Variants in PCDHA13 observed in about 807,000 individuals in gnomAD.
PCDHA13 encodes the protein protocadherin alpha-13.
Under a neutral mutation model 64.8 loss-of-function variants are expected in PCDHA13, and 54 were observed. The ratio of observed to expected loss-of-function variants is 0.83; its 90% CI spans 0.67 to 1.04. The LOEUF (loss-of-function observed/expected upper bound fraction) is 1.04, where lower values mean the gene tolerates loss of function less well. PCDHA13 is among the 50% of genes least tolerant of loss of function. PCDHA13 has a pLI of 0.00. For synonymous variants in PCDHA13, 587 were observed against 564.4 expected, an observed-to-expected ratio of 1.04 and a Z score of -0.57; for missense variants, 1,248 against 1,254.3, an observed-to-expected ratio of 0.99 and a Z score of 0.08.
rs376556447 is a variant in PCDHA13 at position 140,885,103 on chromosome 5, CT to C, written c.2394+448del. On this transcript the variant is annotated intron_variant, in intron 1 of 3. Transcript: ENST00000289272. The stretch of plus-strand genomic sequence containing the variant: ...AGCCCCATAACTTTTCACATAAATG[CT>C]TTTTTTAAGTGCACTTTTCTTTCTT... Among the ~76,000 whole-genome samples the C allele has an allele frequency of 4.5e-3, 686 of 152,136 alleles. 2 individuals are homozygous for C. Among genetic ancestry groups the C allele is most frequent in the African/African-American group, 0.016 (664 of 41,518 alleles).
rs1562789727 is a variant in PCDHA13, at chr5:140,883,500, G to C, written c.1232G>C (p.Ser411Thr). The C allele has an allele frequency of 6.2e-7, 1 of 1,614,100 alleles. No individual in the cohort carries two copies. Among genetic ancestry groups the C allele is most frequent in the African/African-American group, 1.3e-5 (1 of 74,946 alleles). Residue 411 changes from serine (S) to threonine (T), a missense_variant, in exon 1 of 4, where the codon AGC (serine) becomes ACC (threonine). By Grantham distance (58) the Ser-to-Thr change is moderately conservative. Transcript: ENST00000289272. ...YKNYYSLVLD[S>T]ALDRESVSAY... ...AACTACTACTCATTAGTGCTGGACA[G>C]CGCCCTGGACCGCGAGAGCGTATCA... is the stretch of plus-strand genomic sequence containing the variant.
chr5:141,003,452 C>G (rs1554259072), intron 3 of PCDHA13, among the ~76,000 whole-genome samples: 1 of 152,112 alleles, frequency 6.6e-6, no homozygotes, highest in Non-Finnish European at 1.5e-5. Flanking sequence ...GATGAAATTA[C>G]AGGCGTGCAC....
At chr5:140,915,105 C>T (rs1554196760) in intron 1 of PCDHA13, among the ~76,000 whole-genome samples, 1 of 152,020 alleles carries the variant, frequency 6.6e-6, no homozygotes, top group East Asian at 1.9e-4. Flanking sequence ...ACCACCACAA[C>T]ACCCACCTAA....
chr5:140,966,862 G>C lies in PCDHA13; in HGVS notation c.2395-12087G>C, dbSNP rs782810195. On this transcript the variant is annotated intron_variant, in intron 1 of 3. Transcript: ENST00000289272. ...TGCTACTGCCTCTCCTGCTGCTGTTGCTGCTGCTGCTACCTGGCCCTGCGG... is the reference window on the plus strand; with the variant it reads ...TGCTACTGCCTCTCCTGCTGCTGTTCCTGCTGCTGCTACCTGGCCCTGCGG... The C allele has an allele frequency of 1.2e-5, 18 of 1,562,198 alleles. No individual in the cohort carries two copies. Among genetic ancestry groups the C allele is most frequent in the Non-Finnish European group, 1.5e-5 (18 of 1,164,444 alleles).
chr5:140,928,354 A>C (rs374655565), intron 1 of PCDHA13: 10 of 1,614,032 alleles, frequency 6.2e-6, no homozygotes, highest in African/African-American at 1.3e-5. Flanking sequence ...GTTGGATGTT[A>C]TCTCTGAAGG....
At chr5:140,959,428 A>AT (rs2095488424) in intron 1 of PCDHA13, among the ~76,000 whole-genome samples, 1 of 152,102 alleles carries the variant, frequency 6.6e-6, no homozygotes, top group Non-Finnish European at 1.5e-5. Context: ...GAATTTGTGT[A>AT]TTTTTTTCTA....
chr5:140,982,153 C>T (rs990862287), intron 2 of PCDHA13, among the ~76,000 whole-genome samples: 1 of 152,162 alleles, frequency 6.6e-6, no homozygotes, highest in Non-Finnish European at 1.5e-5. Flanking sequence ...GCTTCAGTAT[C>T]GAGATGTTAA....
intron 1 of PCDHA13, among the ~76,000 whole-genome samples, chr5:140,921,467 A>G (rs1287124986): frequency 1.3e-5 from 2 of 152,204 alleles, no homozygotes; most frequent in East Asian, 1.9e-4. Flanking sequence ...TGCAACCACT[A>G]CCAAACCACT....
chr5:140,934,611 C>T (rs1346764744), intron 1 of PCDHA13, among the ~76,000 whole-genome samples: 2 of 151,950 alleles, frequency 1.3e-5, no homozygotes, highest in Non-Finnish European at 2.9e-5. Context: ...TTTGATTAGC[C>T]TGAGGTACAG....
chr5:140,966,050 C>T (rs1554228018), intron 1 of PCDHA13, among the ~76,000 whole-genome samples: 3 of 152,206 alleles, frequency 2.0e-5, no homozygotes, highest in African/African-American at 7.2e-5. Context: ...TCGCCAGTAA[C>T]CCCAGAGCGC....
intron 1 of PCDHA13, among the ~76,000 whole-genome samples, chr5:140,959,240 G>A (rs1554223957): frequency 1.3e-5 from 2 of 152,074 alleles, no homozygotes; most frequent in African/African-American, 4.8e-5. Flanking sequence ...ATCTGGGCAT[G>A]ATAGTGCATG....
intron 1 of PCDHA13, among the ~76,000 whole-genome samples, chr5:140,924,907 A>T (rs538089373): frequency 0.035 from 1,776 of 50,942 alleles, 16 homozygotes; most frequent in Non-Finnish European, 0.042. Context: ...AAAAAAAAAT[A>T]AAATAAAATA....
intron 3 of PCDHA13, among the ~76,000 whole-genome samples, chr5:140,985,361 G>T (rs1453706797): frequency 1.3e-5 from 2 of 152,132 alleles, no homozygotes; most frequent in Non-Finnish European, 2.9e-5. Flanking sequence ...GACCCTCTGA[G>T]GTTATCTGGG....
intron 1 of PCDHA13, chr5:140,968,366 G>A (rs145153557): frequency 7.4e-6 from 12 of 1,614,078 alleles, no homozygotes; most frequent in Non-Finnish European, 1.0e-5. Flanking sequence ...CCTTTATGCT[G>A]TCAACTCCTT....
intron 1 of PCDHA13, chr5:140,929,725 A>G (rs1415397730): frequency 9.2e-6 from 2 of 218,138 alleles, no homozygotes; most frequent in Admixed American, 1.2e-4. Flanking sequence ...TGAAACATTT[A>G]CTTAAACTAT....
At chr5:140,935,850 G>A (rs2090589549) in intron 1 of PCDHA13, among the ~76,000 whole-genome samples, 1 of 149,422 alleles carries the variant, frequency 6.7e-6, no homozygotes, top group South Asian at 2.1e-4. Context: ...GCTTAATGGT[G>A]TCTTTTGATT....
chr5:140,918,989 GTGT>G (rs2078966617), intron 1 of PCDHA13, among the ~76,000 whole-genome samples: 1 of 152,178 alleles, frequency 6.6e-6, no homozygotes, highest in Non-Finnish European at 1.5e-5. Context: ...TTGGTTTTTA[GTGT>G]TGTTCACATC....
intron 1 of PCDHA13, among the ~76,000 whole-genome samples, chr5:140,898,622 A>G (rs1286354840): frequency 7.9e-5 from 12 of 152,290 alleles, no homozygotes; most frequent in African/African-American, 2.6e-4. Context: ...GTCAGGTAGC[A>G]TAATGCCTCC....
At chr5:140,955,847 T>C (rs2095231839) in intron 1 of PCDHA13, among the ~76,000 whole-genome samples, 2 of 152,216 alleles carry the variant, frequency 1.3e-5, no homozygotes, top group Non-Finnish European at 2.9e-5. Context: ...TCATTCTCCT[T>C]GAAGAGGTCC....
Sources: gnomAD v4.1 joint callset for allele counts (sites outside exome capture counted in the v4.1 genomes callset) on GRCh38, gnomAD v4.1.1 for gene constraint, MANE v1.5 for transcripts, NCBI Gene and HGNC (gene_info 2026-07-23, HGNC 2026-07-21) for gene names.